Variants in PARP1 observed in about 807,000 individuals in gnomAD.
PARP1 encodes poly(ADP-ribose) polymerase 1, also known as poly [ADP-ribose] polymerase 1.
Under a neutral mutation model 118.7 loss-of-function variants are expected in PARP1, and 44 were observed. That is an observed-to-expected ratio of 0.37 (90% confidence interval 0.29 to 0.48). The LOEUF is 0.48. Among genes scored for constraint, PARP1 ranks in the 20% least tolerant of loss-of-function variants. The pLI is 0.99. For missense variants in PARP1, 1,100 were observed against 1,272.4 expected, an observed-to-expected ratio of 0.86 and a Z score of 2.06; for synonymous variants, 492 against 483.2, an observed-to-expected ratio of 1.02 and a Z score of -0.24.
At position 226,385,496 on chromosome 1, in the gene PARP1, C is replaced by T. The variant is rs756602249; in HGVS notation, c.1011+8G>A. 2 of 1,613,466 alleles carry T rather than the reference C, an allele frequency of 1.2e-6. No homozygotes were observed. The highest frequency in any genetic ancestry group is 2.2e-5 in the South Asian group (2 of 91,052). ...CAACAGATCCCAGGATCTTCCCCTA[C>T]CCCTTACCTTTGGGGTTACCCACTC... On this transcript the variant is annotated splice_region_variant and intron_variant, in intron 7 of 22. Transcript: ENST00000366794.
At position 226,361,468 on chromosome 1, in the gene PARP1, G is replaced by T. The variant is rs138906127; in HGVS notation, c.3037C>A (p.Leu1013Met). 7.2e-4 allele frequency: 1,165 copies of T among 1,608,984 alleles called. No homozygotes were observed. Among genetic ancestry groups the T allele is most frequent in the Non-Finnish European group, 9.5e-4 (1,122 of 1,175,400 alleles). The change falls in exon 23 of 23, where the codon CTG (leucine) becomes ATG (methionine). Residue 1013 changes from leucine (L) to methionine (M), a missense_variant. Around this residue, in one of 2 missense-constraint regions of PARP1, gnomAD observed 152 missense variants for 240.6 expected, o/e 0.63. Transcript: ENST00000366794. ...TCGGCTACCTCTCCCAATTACCACAGGGAGGTCTTAAAATTGAATTTCAGT... is the reference window on the plus strand; with the variant it reads ...TCGGCTACCTCTCCCAATTACCACATGGAGGTCTTAAAATTGAATTTCAGT... ...LKLKFNFKTS[L>M]W
chr1:226,383,012 A>C, intron 8 of PARP1, 24 bp downstream of exon 8: 1 of 1,612,080 alleles, frequency 6.2e-7, no homozygotes, highest in East Asian at 2.2e-5. Flanking sequence ...AGCAGCTCTA[A>C]GACCGGGGTC....
chr1:226,364,837 G>C (rs1469843526), intron 19 of PARP1, among the ~76,000 whole-genome samples, 165 bp downstream of exon 19: 2 of 152,246 alleles, frequency 1.3e-5, no homozygotes, highest in African/African-American at 4.8e-5. Flanking sequence ...AACTGTGTTT[G>C]AAACCCCTGA....
Position 226,362,099 on chromosome 1 carries a change from C to A in PARP1, c.2849-16G>T. On this transcript the variant is annotated splice_polypyrimidine_tract_variant and intron_variant, in intron 21 of 22. Transcript: ENST00000366794. ...TTGCCCAAACCTGAAAAACAGAAGT[C>A]ACAAGTGACATGAACTGTGAGTACA... is the stretch of plus-strand genomic sequence containing the variant. The A allele has an allele frequency of 7.0e-7, 1 of 1,431,134 alleles. No homozygotes were observed. Among genetic ancestry groups the A allele is most frequent in the South Asian group, 1.1e-5 (1 of 87,182 alleles). 88.7% of individuals were successfully genotyped at this position (1,431,134 alleles called of 1,614,324 possible). A position where few individuals can be genotyped will look rare whatever the true frequency, so the allele number is the denominator to read the frequency against.
chr1:226,370,514 C>T lies in PARP1; in HGVS notation c.2074G>A (p.Asp692Asn), dbSNP rs755524804. 3.1e-6 allele frequency: 5 copies of T among 1,613,030 alleles called. No homozygotes were observed. The highest frequency in any genetic ancestry group is 1.1e-5 in the South Asian group (1 of 91,068). ...MKKAMVEYEIDLQKMPLGKLS... is the reference protein window; with the variant it reads ...MKKAMVEYEINLQKMPLGKLS... ...TTCCCCAAGGGCATCTTCTGAAGGTCGATCTGAGGAGACAGGGGATTTCGC... is the reference window on the plus strand; with the variant it reads ...TTCCCCAAGGGCATCTTCTGAAGGTTGATCTGAGGAGACAGGGGATTTCGC... Residue 692 changes from aspartate (D) to asparagine (N), a missense_variant, in exon 15 of 23, where the codon GAC becomes AAC. Asp to Asn is a conservative substitution (Grantham distance 23). This residue lies in a region of PARP1 where 948 missense variants were observed against 1,031.8 expected (regional missense o/e 0.92). Coordinates refer to ENST00000366794, the MANE Select transcript of PARP1 (RefSeq NM_001618.4).
intron 9 of PARP1, 82 bp downstream of exon 9, chr1:226,380,986 C>A: frequency 6.6e-7 from 1 of 1,504,026 alleles, no homozygotes; most frequent in Non-Finnish European, 9.3e-7. Context: ...GCGCTGTGTT[C>A]GACTCTTCCT....
chr1:226,370,142 G>A (rs753658664), intron 15 of PARP1, among the ~76,000 whole-genome samples: 42 of 152,238 alleles, frequency 2.8e-4, no homozygotes, highest in Non-Finnish European at 1.8e-4. Context: ...GATACAGAGG[G>A]ATGACTTCAC....
At position 226,383,120 on chromosome 1, in the gene PARP1, G is replaced by T; in HGVS notation, c.1075C>A (p.Pro359Thr). 1 of 1,613,194 alleles carries T rather than the reference G, an allele frequency of 6.2e-7. No individual in the cohort carries two copies. The highest frequency in any genetic ancestry group is 8.5e-7 in the Non-Finnish European group (1 of 1,179,742). The change falls in exon 8 of 23, where the codon CCA (proline) becomes ACA (threonine). Residue 359 changes from proline (P) to threonine (T), a missense_variant. By Grantham distance (38) the Pro-to-Thr change is conservative. Around this residue, in one of 2 missense-constraint regions of PARP1, gnomAD observed 948 missense variants for 1,031.8 expected, o/e 0.92. Coordinates refer to ENST00000366794, the MANE Select transcript of PARP1 (RefSeq NM_001618.4). ...GCCGCCACGGAGGCGCTGGTTTCTG[G>T]GGGGAATATACGGTCCTGTTTTTTA... is the stretch of plus-strand genomic sequence containing the variant. ...KVKKQDRIFPPETSASVAATP... is the reference protein window; with the variant it reads ...KVKKQDRIFPTETSASVAATP...
intron 13 of PARP1, 116 bp downstream of exon 13, chr1:226,376,992 C>T (rs999886131): frequency 5.4e-6 from 5 of 929,308 alleles, no homozygotes; most frequent in African/African-American, 1.6e-5. Context: ...ATTCTCCTTT[C>T]AACATTTGGT....
chr1:226,377,098 A>T lies in PARP1; in HGVS notation c.1941+10T>A. On this transcript the variant is annotated intron_variant, in intron 13 of 22. Coordinates refer to ENST00000366794, the MANE Select transcript of PARP1 (RefSeq NM_001618.4). ...TAGAAGCAGACAGTGTAAGGGCATT[A>T]TGTGGTTACCTGGCCATAGTCAATC... 1 of 1,610,834 alleles carries T rather than the reference A, an allele frequency of 6.2e-7. No individual in the cohort carries two copies. The highest frequency in any genetic ancestry group is 8.5e-7 in the Non-Finnish European group (1 of 1,177,718).
intron 11 of PARP1, 35 bp from the exon 12 acceptor site, chr1:226,379,309 C>A (rs748347382): frequency 1.2e-6 from 2 of 1,613,788 alleles, no homozygotes; most frequent in Admixed American, 3.3e-5. Context: ...AGTTTTCTCT[C>A]CCCTTGAGGT....
At chr1:226,402,883 C>T (rs1447069966) in intron 1 of PARP1, among the ~76,000 whole-genome samples, 1 of 152,218 alleles carries the variant, frequency 6.6e-6, no homozygotes, top group Non-Finnish European at 1.5e-5. Context: ...TTAAGAATAA[C>T]AAGGAACAAG....
At position 226,370,523 on chromosome 1, in the gene PARP1, G is replaced by C; in HGVS notation, c.2071-6C>G. On this transcript the variant is annotated splice_region_variant and splice_polypyrimidine_tract_variant and intron_variant, in intron 14 of 22. Coordinates refer to ENST00000366794, the MANE Select transcript of PARP1 (RefSeq NM_001618.4). ...GGCATCTTCTGAAGGTCGATCTGAG[G>C]AGACAGGGGATTTCGCTCTGAAAGC... 6.2e-7 allele frequency: 1 copy of C among 1,611,760 alleles called. No homozygotes were observed. The highest frequency in any genetic ancestry group is 8.5e-7 in the Non-Finnish European group (1 of 1,177,888).
chr1:226,392,987 A>C, intron 2 of PARP1: 4 of 1,543,350 alleles, frequency 2.6e-6, no homozygotes, highest in Non-Finnish European at 3.5e-6. Flanking sequence ...GGTTCTAGTA[A>C]GTGCATTAAG....
At chr1:226,392,735 A>G (rs1664843528) in intron 2 of PARP1, 1 of 567,268 alleles carries the variant, frequency 1.8e-6, no homozygotes, top group African/African-American at 1.9e-5. Flanking sequence ...AAATATTTTG[A>G]TATAAGTCAG....
intron 2 of PARP1, among the ~76,000 whole-genome samples, chr1:226,401,735 T>G (rs1288397951): frequency 6.6e-6 from 1 of 152,190 alleles, no homozygotes; most frequent in Non-Finnish European, 1.5e-5. Flanking sequence ...TGTATGATAC[T>G]ATAATGGCAG....
At chr1:226,385,379 C>T (rs1017297868) in intron 7 of PARP1, 125 bp downstream of exon 7, 29 of 788,266 alleles carry the variant, frequency 3.7e-5, no homozygotes, top group Admixed American at 2.7e-4. Flanking sequence ...AACAGGATGA[C>T]GCAGCTGTAA....
At chr1:226,390,379 C>A (rs1353453496) in intron 4 of PARP1, 31 bp downstream of exon 4, 6 of 1,602,354 alleles carry the variant, frequency 3.7e-6, no homozygotes. Context: ...CTCACTGAAC[C>A]CCCAGGGCAA....
chr1:226,363,871 G>C (rs1354575858), intron 20 of PARP1, 72 bp downstream of exon 20: 1 of 1,537,810 alleles, frequency 6.5e-7, no homozygotes, highest in Non-Finnish European at 9.0e-7. Flanking sequence ...CCCAGCCAAG[G>C]GGAGTTCTGC....
Sources: gnomAD v4.1 joint callset for allele counts (sites outside exome capture counted in the v4.1 genomes callset) on GRCh38, gnomAD v4.1.1 for gene constraint, gnomAD v4.1.1 regional missense constraint, MANE v1.5 for transcripts, NCBI Gene and HGNC (gene_info 2026-07-23, HGNC 2026-07-21) for gene names.